GOLGA3: variants seen among roughly 807,000 people sequenced by gnomAD.
GOLGA3 encodes the protein golgin subfamily A member 3.
GOLGA3 carries 75 observed loss-of-function variants against 169.4 expected under a neutral mutation model. The observed-to-expected ratio is 0.44, with a 90% CI of 0.37 to 0.54. The LOEUF is 0.54. GOLGA3 is among the 20% of genes least tolerant of loss of function. GOLGA3 has a pLI of 0.00. For missense variants in GOLGA3, 1,899 were observed against 1,930.0 expected, an observed-to-expected ratio of 0.98 and a Z score of 0.30; for synonymous variants, 824 against 822.4, an observed-to-expected ratio of 1.00 and a Z score of -0.03.
In GOLGA3 at chr12:132,789,309, G is replaced by A. The variant is rs1339264879; in HGVS notation, c.2548-19C>T. The A allele has an allele frequency of 6.4e-7, 1 of 1,556,550 alleles. No individual in the cohort carries two copies. Among genetic ancestry groups the A allele is most frequent in the Admixed American group, 1.8e-5 (1 of 55,408 alleles). On this transcript the variant is annotated intron_variant, in intron 12 of 23. Coordinates refer to ENST00000450791, the MANE Select transcript of GOLGA3 (RefSeq NM_001389683.1). The stretch of plus-strand genomic sequence containing the variant: ...CCATCACCTGCCAAAGACAGAGGCT[G>A]TGAGCGGACGCTGGGCGGCGGGGCG...
intron 3 of GOLGA3, 61 bp from the exon 4 acceptor site, chr12:132,813,480 C>G: frequency 1.1e-6 from 1 of 898,520 alleles, no homozygotes; most frequent in South Asian, 1.5e-5. Flanking sequence ...AACAATCAGG[C>G]ACAAGAACTT....
At chr12:132,787,921 C>G (rs1012649678) in intron 13 of GOLGA3, among the ~76,000 whole-genome samples, 2 of 133,664 alleles carry the variant, frequency 1.5e-5, no homozygotes, top group Non-Finnish European at 3.2e-5. Context: ...TCCCTGGACC[C>G]CCCCCGGATG....
At position 132,815,524 on chromosome 12, in the gene GOLGA3, A is replaced by G. The variant is rs551861613; in HGVS notation, c.406+1016T>C. ...GTGAGTTTTCAGAATTGTTTCAAATAAACACATGTGAAATGCAGTCTGATT... is the reference window on the plus strand; with the variant it reads ...GTGAGTTTTCAGAATTGTTTCAAATGAACACATGTGAAATGCAGTCTGATT... On this transcript the variant is annotated intron_variant, in intron 3 of 23. Coordinates refer to ENST00000450791, the MANE Select transcript of GOLGA3 (RefSeq NM_001389683.1). Among the ~76,000 whole-genome samples, 282 of 152,364 alleles carry G rather than the reference A, an allele frequency of 1.9e-3. 2 individuals are homozygous for G. Among genetic ancestry groups the G allele is most frequent in the Middle Eastern group, 0.014 (4 of 294 alleles).
chr12:132,801,588 C>G (rs538190838), intron 8 of GOLGA3, among the ~76,000 whole-genome samples, 179 bp downstream of exon 8: 2 of 152,074 alleles, frequency 1.3e-5, no homozygotes, highest in South Asian at 2.1e-4. Flanking sequence ...TGGGGGGGGG[C>G]CCACGGGACA....
At chr12:132,809,649 C>T (rs1430783498) in intron 4 of GOLGA3, among the ~76,000 whole-genome samples, 1 of 152,170 alleles carries the variant, frequency 6.6e-6, no homozygotes, top group Non-Finnish European at 1.5e-5. Flanking sequence ...TCACTATGTC[C>T]CCTCAGCTCC....
intron 21 of GOLGA3, among the ~76,000 whole-genome samples, chr12:132,776,319 C>T (rs2045234994): frequency 7.1e-6 from 1 of 141,754 alleles, no homozygotes; most frequent in African/African-American, 2.6e-5. Flanking sequence ...GATACAGGTA[C>T]CTGCAGCAGC....
At chr12:132,791,823 A>G (rs368259303) in intron 11 of GOLGA3, among the ~76,000 whole-genome samples, 145 of 102,384 alleles carry the variant, frequency 1.4e-3, no homozygotes, top group Middle Eastern at 0.02. Context: ...TTACACTGAG[A>G]GCTCCAGGAA....
chr12:132,796,224 GAGA>G lies in GOLGA3; in HGVS notation c.2101-7_2101-5del. 6.3e-7 allele frequency: 1 copy of G among 1,582,154 alleles called. No homozygotes were observed. The highest frequency in any genetic ancestry group is 2.3e-5 in the East Asian group (1 of 44,254). ...GCTGGAGTAAAGTCAACTTCACCTGGAGAAGGAATGAAGCCCACATGGCTGCGC... is the reference window on the plus strand; with the variant it reads ...GCTGGAGTAAAGTCAACTTCACCTGGAGGAATGAAGCCCACATGGCTGCGC... On this transcript the variant is annotated splice_region_variant and splice_polypyrimidine_tract_variant and intron_variant, in intron 10 of 23. Transcript: ENST00000450791.
chr12:132,800,590 C>A (rs568327972), intron 8 of GOLGA3, among the ~76,000 whole-genome samples: 1 of 152,294 alleles, frequency 6.6e-6, no homozygotes, highest in South Asian at 2.1e-4. Context: ...ATTAGTATTT[C>A]ACGTTCCCCT....
chr12:132,814,471 G>A (rs570972977), intron 3 of GOLGA3, among the ~76,000 whole-genome samples: 14 of 152,326 alleles, frequency 9.2e-5, no homozygotes, highest in East Asian at 3.9e-4. Context: ...CTGAAACGCC[G>A]GCACCGTGGA....
chr12:132,790,050 G>A (rs1206280879), intron 12 of GOLGA3, among the ~76,000 whole-genome samples: 1 of 151,856 alleles, frequency 6.6e-6, no homozygotes, highest in Non-Finnish European at 1.5e-5. Flanking sequence ...CTAAATTACA[G>A]GCCGGGCGTG....
chr12:132,771,834 GCC>G lies in GOLGA3; in HGVS notation c.*1269_*1270del, dbSNP rs2044909023. On this transcript the variant is annotated 3_prime_UTR_variant, in exon 24 of 24. Coordinates refer to ENST00000450791, the MANE Select transcript of GOLGA3 (RefSeq NM_001389683.1). ...GAAACCGCGGGAGTCGCTGCAGGGA[GCC>G]CCTGGTCTGCTCTCCTCCTCCTCCT... is the stretch of plus-strand genomic sequence containing the variant. 1 of 151,022 alleles carries G rather than the reference GCC, an allele frequency of 6.6e-6. No homozygotes were observed. The highest frequency in any genetic ancestry group is 2.4e-5 in the African/African-American group (1 of 41,404). 9.4% of individuals were successfully genotyped at this position (151,022 alleles called of 1,614,324 possible).
intron 4 of GOLGA3, among the ~76,000 whole-genome samples, chr12:132,808,918 G>A (rs1057438407): frequency 3.3e-5 from 5 of 152,212 alleles, no homozygotes; most frequent in African/African-American, 9.6e-5. Context: ...TAGAAATAAA[G>A]ACACAAGACA....
chr12:132,827,236 T>C (rs1250157148), intron 1 of GOLGA3, among the ~76,000 whole-genome samples: 1 of 151,942 alleles, frequency 6.6e-6, no homozygotes, highest in Non-Finnish European at 1.5e-5. Context: ...AGGAAAAGAG[T>C]ACCTGGTGGA....
At chr12:132,826,688 G>T (rs894571005) in intron 1 of GOLGA3, among the ~76,000 whole-genome samples, 1 of 152,132 alleles carries the variant, frequency 6.6e-6, no homozygotes, top group Non-Finnish European at 1.5e-5. Flanking sequence ...TTCACTAACT[G>T]CCTGGAGTTT....
chr12:132,783,722 C>T (rs977259958), intron 16 of GOLGA3: 1 of 273,646 alleles, frequency 3.7e-6, no homozygotes, highest in Non-Finnish European at 6.7e-6. Flanking sequence ...GGACTACAGG[C>T]ACCCGCCACC....
chr12:132,823,223 C>A (rs1950286965), intron 1 of GOLGA3, among the ~76,000 whole-genome samples: 1 of 152,256 alleles, frequency 6.6e-6, no homozygotes, highest in African/African-American at 2.4e-5. Flanking sequence ...CCCTGCCGGG[C>A]TACATTCAGG....
At chr12:132,782,575 CAAGA>C in intron 16 of GOLGA3, 82 bp from the exon 17 acceptor site, 1 of 1,140,580 alleles carries the variant, frequency 8.8e-7, no homozygotes, top group South Asian at 1.2e-5. Context: ...GAGTTTTCAA[CAAGA>C]AACAGCGAAA....
chr12:132,802,060 CAG>C, intron 7 of GOLGA3, 91 bp from the exon 8 acceptor site: 3 of 943,012 alleles, frequency 3.2e-6, no homozygotes, highest in South Asian at 3.0e-5. Flanking sequence ...GCGGGACTCT[CAG>C]GGGAGACCAA....
Sources: allele counts gnomAD v4.1 joint callset (sites outside exome capture counted in the v4.1 genomes callset), GRCh38; gene constraint gnomAD v4.1.1; transcripts MANE v1.5; gene names NCBI Gene and HGNC (gene_info 2026-07-23, HGNC 2026-07-21).